Variants in GRM8 observed in about 807,000 individuals in gnomAD.
GRM8 encodes the protein glutamate metabotropic receptor 8.
GRM8 carries 47 observed loss-of-function variants against 87.2 expected under a neutral mutation model. The observed-to-expected ratio is 0.54, with a 90% CI of 0.43 to 0.69. The LOEUF is 0.69. Ranked by LOEUF, GRM8 falls within the 30% of genes least tolerant of loss-of-function variation. The pLI is 0.00. For synonymous variants in GRM8, 396 were observed against 404.5 expected, an observed-to-expected ratio of 0.98 and a Z score of 0.25; for missense variants, 1,019 against 1,139.2, an observed-to-expected ratio of 0.89 and a Z score of 1.52.
chr7:127,020,564 C>T (rs1302055953), intron 3 of GRM8, among the ~76,000 whole-genome samples: 3 of 152,030 alleles, frequency 2.0e-5, no homozygotes, highest in Non-Finnish European at 4.4e-5. Context: ...ATGTTTATAA[C>T]TCTAGTGATA....
intron 2 of GRM8, among the ~76,000 whole-genome samples, chr7:127,144,472 T>C (rs1828445456): frequency 1.3e-5 from 2 of 152,118 alleles, no homozygotes; most frequent in South Asian, 2.1e-4. Flanking sequence ...TGAGATATCA[T>C]TGCTTTTCAA....
intron 7 of GRM8, among the ~76,000 whole-genome samples, chr7:126,642,397 G>A (rs914645782): frequency 6.6e-6 from 1 of 152,142 alleles, no homozygotes; most frequent in African/African-American, 2.4e-5. Flanking sequence ...CCAGCACTTT[G>A]GGAGGCTGAG....
intron 2 of GRM8, among the ~76,000 whole-genome samples, chr7:127,159,244 C>A (rs1260674738): frequency 6.6e-6 from 1 of 152,152 alleles, no homozygotes; most frequent in Non-Finnish European, 1.5e-5. Context: ...TAAAATTACT[C>A]ATTTAAATTA....
chr7:126,896,002 T>C (rs1369203556), intron 6 of GRM8, among the ~76,000 whole-genome samples: 2 of 147,384 alleles, frequency 1.4e-5, no homozygotes, highest in Non-Finnish European at 3.0e-5. Flanking sequence ...AAGTAAATAA[T>C]AAATGGAGGA....
chr7:126,552,103 A>C (rs1334775434), intron 8 of GRM8, among the ~76,000 whole-genome samples: 6 of 152,076 alleles, frequency 3.9e-5, no homozygotes, highest in African/African-American at 1.2e-4. Flanking sequence ...CTGTCAACAC[A>C]CTACTATTTC....
At chr7:127,154,352 G>A (rs1792592459) in intron 2 of GRM8, among the ~76,000 whole-genome samples, 1 of 151,986 alleles carries the variant, frequency 6.6e-6, no homozygotes, top group Admixed American at 6.6e-5. Context: ...AGTACTTCCT[G>A]GCTTAAAACA....
At chr7:126,605,812 G>C (rs1798286849) in intron 8 of GRM8, among the ~76,000 whole-genome samples, 1 of 152,128 alleles carries the variant, frequency 6.6e-6, no homozygotes, top group African/African-American at 2.4e-5. Flanking sequence ...TCCCACCAGA[G>C]GTCAGGCCAG....
chr7:126,525,858 T>A (rs1319033423), intron 9 of GRM8, among the ~76,000 whole-genome samples: 1 of 152,204 alleles, frequency 6.6e-6, no homozygotes, highest in Non-Finnish European at 1.5e-5. Flanking sequence ...GTGCCAGCCA[T>A]TATCTTGAAC....
At chr7:127,036,502 C>T (rs1246417446) in intron 3 of GRM8, among the ~76,000 whole-genome samples, 1 of 152,170 alleles carries the variant, frequency 6.6e-6, no homozygotes, top group African/African-American at 2.4e-5. Context: ...GCCTGGAGCA[C>T]CTATATATTG....
At chr7:127,197,055 TCTAA>T (rs1410547522) in intron 2 of GRM8, among the ~76,000 whole-genome samples, 8 of 152,290 alleles carry the variant, frequency 5.3e-5, no homozygotes, top group African/African-American at 1.7e-4. Context: ...GTACAAACGC[TCTAA>T]CTATTAGCTA....
At chr7:126,482,752 T>C (rs1282122333) in intron 9 of GRM8, among the ~76,000 whole-genome samples, 1 of 151,994 alleles carries the variant, frequency 6.6e-6, no homozygotes, top group Non-Finnish European at 1.5e-5. Flanking sequence ...TGAATATACT[T>C]AGTATCACTG....
chr7:127,206,982 T>C (rs1029550053), intron 2 of GRM8, among the ~76,000 whole-genome samples: 1 of 152,158 alleles, frequency 6.6e-6, no homozygotes, highest in East Asian at 1.9e-4. Flanking sequence ...AAATGGGACA[T>C]GGCTTGTGTG....
intron 3 of GRM8, among the ~76,000 whole-genome samples, chr7:126,938,046 G>A (rs542906731): frequency 1.3e-5 from 2 of 152,272 alleles, no homozygotes; most frequent in Middle Eastern, 3.4e-3. Context: ...GGCTCAGTAA[G>A]AGCCTACATT....
chr7:127,010,575 A>G (rs1189545210), intron 3 of GRM8, among the ~76,000 whole-genome samples: 2 of 152,170 alleles, frequency 1.3e-5, no homozygotes, highest in African/African-American at 2.4e-5. Flanking sequence ...CAGTATTTGC[A>G]TAATATCATG....
At chr7:126,627,066 C>T (rs1188708057) in intron 7 of GRM8, among the ~76,000 whole-genome samples, 1 of 152,152 alleles carries the variant, frequency 6.6e-6, no homozygotes, top group Admixed American at 6.6e-5. Flanking sequence ...CTTTTCATAG[C>T]ACCTAACCAT....
At chr7:126,986,714 C>A (rs1204003120) in intron 3 of GRM8, among the ~76,000 whole-genome samples, 1 of 152,110 alleles carries the variant, frequency 6.6e-6, no homozygotes, top group African/African-American at 2.4e-5. Context: ...ACCCATTTCC[C>A]AACACCATTT....
intron 3 of GRM8, among the ~76,000 whole-genome samples, chr7:126,905,042 G>A (rs1409611165): frequency 6.6e-6 from 1 of 152,204 alleles, no homozygotes; most frequent in Admixed American, 6.5e-5. Context: ...ATTAATAAAA[G>A]TATGAATATG....
At chr7:127,187,518 A>C (rs1231059047) in intron 2 of GRM8, among the ~76,000 whole-genome samples, 1 of 152,182 alleles carries the variant, frequency 6.6e-6, no homozygotes, top group Non-Finnish European at 1.5e-5. Context: ...TTTTCATACA[A>C]ATAGCAAACA....
intron 3 of GRM8, among the ~76,000 whole-genome samples, chr7:127,097,904 G>C (rs990334034): frequency 1.9e-4 from 29 of 152,318 alleles, no homozygotes; most frequent in African/African-American, 6.5e-4. Flanking sequence ...TTTGAATGCT[G>C]TTTGCTGTTT....
Sources: allele counts gnomAD v4.1 joint callset (sites outside exome capture counted in the v4.1 genomes callset), GRCh38; gene constraint gnomAD v4.1.1; transcripts MANE v1.5; gene names NCBI Gene and HGNC (gene_info 2026-07-23, HGNC 2026-07-21).